DENND1A: variants seen among roughly 807,000 people sequenced by gnomAD.
The protein encoded by DENND1A is DENN domain containing 1A.
In DENND1A, 51 loss-of-function variants were observed where a neutral mutation model predicts 113.7. The ratio of observed to expected loss-of-function variants is 0.45; its 90% CI spans 0.36 to 0.57. The LOEUF is 0.57. Ranked by LOEUF, DENND1A falls within the 20% of genes least tolerant of loss-of-function variation. DENND1A has a pLI of 0.00. For synonymous variants in DENND1A, 565 were observed against 570.8 expected, an observed-to-expected ratio of 0.99 and a Z score of 0.14; for missense variants, 1,258 against 1,395.9, an observed-to-expected ratio of 0.90 and a Z score of 1.57.
chr9:123,709,118 T>C (rs1232711254), intron 5 of DENND1A, among the ~76,000 whole-genome samples: 4 of 152,200 alleles, frequency 2.6e-5, no homozygotes, highest in Non-Finnish European at 5.9e-5. Context: ...GTCTGTTCTA[T>C]GTCTAAAAAG....
At chr9:123,622,365 A>G (rs2061004662) in intron 10 of DENND1A, among the ~76,000 whole-genome samples, 1 of 152,248 alleles carries the variant, frequency 6.6e-6, no homozygotes, top group Non-Finnish European at 1.5e-5. Flanking sequence ...GGAAGGGGGA[A>G]AAAGAAATTT....
intron 6 of DENND1A, among the ~76,000 whole-genome samples, chr9:123,676,453 C>T (rs982176864): frequency 6.6e-6 from 1 of 151,898 alleles, no homozygotes; most frequent in African/African-American, 2.4e-5. Context: ...ACTCTGTGAA[C>T]GTTAAGGGTC....
intron 10 of DENND1A, among the ~76,000 whole-genome samples, chr9:123,626,224 T>A (rs1018336121): frequency 6.6e-6 from 1 of 151,944 alleles, no homozygotes; most frequent in African/African-American, 2.4e-5. Context: ...ACATCTGGCG[T>A]GTGGTGTGTA....
At chr9:123,806,171 C>T (rs917131396) in intron 2 of DENND1A, among the ~76,000 whole-genome samples, 1 of 152,096 alleles carries the variant, frequency 6.6e-6, no homozygotes, top group African/African-American at 2.4e-5. Flanking sequence ...GCAGGCTGGT[C>T]TTGAACTCCT....
chr9:123,552,023 G>GAGAGAGAGACAGAGAC (rs2057096824), intron 13 of DENND1A, among the ~76,000 whole-genome samples: 5 of 141,092 alleles, frequency 3.5e-5, no homozygotes, highest in Non-Finnish European at 7.7e-5. Flanking sequence ...GAGAGCGAGA[G>GAGAGAGAGACAGAGAC]AGAGAGAGAG....
chr9:123,827,953 C>A (rs571233517), intron 2 of DENND1A, among the ~76,000 whole-genome samples: 1 of 152,084 alleles, frequency 6.6e-6, no homozygotes. Flanking sequence ...TTAAAATATA[C>A]CTGGTTTTGA....
intron 22 of DENND1A, among the ~76,000 whole-genome samples, chr9:123,384,471 A>G (rs2042454570): frequency 6.6e-6 from 1 of 152,316 alleles, no homozygotes; most frequent in Non-Finnish European, 1.5e-5. Context: ...GACCTTTGGC[A>G]GGTCACTTAA....
intron 10 of DENND1A, among the ~76,000 whole-genome samples, chr9:123,610,688 C>G (rs925159712): frequency 1.8e-4 from 28 of 152,166 alleles, no homozygotes; most frequent in Admixed American, 1.0e-3. Flanking sequence ...CTGACTCAGA[C>G]TGGGGTGAAC....
At chr9:123,863,263 A>ACTC (rs986891329) in intron 2 of DENND1A, among the ~76,000 whole-genome samples, 1 of 152,164 alleles carries the variant, frequency 6.6e-6, no homozygotes, top group Admixed American at 6.5e-5. Context: ...AAGTACTTAA[A>ACTC]CTCCTCACCA....
At chr9:123,776,707 A>AT (rs1316517890) in intron 3 of DENND1A, among the ~76,000 whole-genome samples, 2 of 152,080 alleles carry the variant, frequency 1.3e-5, no homozygotes, top group Non-Finnish European at 2.9e-5. Flanking sequence ...CCTTAAAAAA[A>AT]TTTTTTTTCA....
chr9:123,778,476 T>C (rs1270840516), intron 3 of DENND1A, among the ~76,000 whole-genome samples: 1 of 152,248 alleles, frequency 6.6e-6, no homozygotes, highest in East Asian at 1.9e-4. Context: ...TGTTAAGACA[T>C]TCTGGAATTG....
intron 11 of DENND1A, among the ~76,000 whole-genome samples, chr9:123,585,080 CA>C (rs66625965): frequency 0.42 from 64,166 of 151,658 alleles, 14,145 homozygotes; most frequent in African/African-American, 0.56. Context: ...TCACAAGCCT[CA>C]CTAGGATTGA....
rs1276919429 is a variant in DENND1A at position 123,764,211 on chromosome 9, T to A, written c.182+5303A>T. Among the ~76,000 whole-genome samples, 1 of 152,194 alleles carries A rather than the reference T, an allele frequency of 6.6e-6. No homozygotes were observed. Among genetic ancestry groups the A allele is most frequent in the Non-Finnish European group, 1.5e-5 (1 of 68,032 alleles). On this transcript the variant is annotated intron_variant, in intron 4 of 23. Transcript: ENST00000394215. The surrounding 1 kb of genome is among the most constrained non-coding windows in gnomAD (Gnocchi z 4.1). The stretch of plus-strand genomic sequence containing the variant: ...CAGATTAGAGATAATGTATACAAGA[T>A]AACTAGCATATAGTAGGTACCTGAC...
intron 13 of DENND1A, among the ~76,000 whole-genome samples, chr9:123,489,962 GT>G (rs1652890089): frequency 6.6e-6 from 1 of 152,154 alleles, no homozygotes; most frequent in Non-Finnish European, 1.5e-5. Context: ...GATAAAATCT[GT>G]AAAGAAGCTG....
intron 20 of DENND1A, among the ~76,000 whole-genome samples, chr9:123,408,529 T>C (rs1010734275): frequency 1.3e-5 from 2 of 152,184 alleles, no homozygotes; most frequent in African/African-American, 2.4e-5. Flanking sequence ...GTGAGGATCC[T>C]GCCTAAGGTC....
chr9:123,787,233 C>T (rs1265840324), intron 3 of DENND1A, among the ~76,000 whole-genome samples: 1 of 151,950 alleles, frequency 6.6e-6, no homozygotes, highest in African/African-American at 2.4e-5. Context: ...TTGTGTCATA[C>T]AATGTTGGTA....
At chr9:123,543,687 C>T (rs2056450540) in intron 13 of DENND1A, among the ~76,000 whole-genome samples, 1 of 152,338 alleles carries the variant, frequency 6.6e-6, no homozygotes, top group African/African-American at 2.4e-5. Flanking sequence ...CCCCCTGCTC[C>T]TGGGGAGCTC....
chr9:123,407,019 C>G (rs1038638062), intron 20 of DENND1A, among the ~76,000 whole-genome samples: 1 of 152,136 alleles, frequency 6.6e-6, no homozygotes, highest in Non-Finnish European at 1.5e-5. Context: ...AAAAGAACAA[C>G]AGAGCTAATT....
At chr9:123,623,957 C>T (rs2061078204) in intron 10 of DENND1A, among the ~76,000 whole-genome samples, 2 of 152,182 alleles carry the variant, frequency 1.3e-5, no homozygotes, top group South Asian at 4.1e-4. Context: ...ACACTGTTGT[C>T]CTGAAAACTC....
Sources: allele counts gnomAD v4.1 joint callset (sites outside exome capture counted in the v4.1 genomes callset), GRCh38; gene constraint gnomAD v4.1.1; non-coding constraint Gnocchi (gnomAD v3.1); transcripts MANE v1.5; gene names NCBI Gene and HGNC (gene_info 2026-07-23, HGNC 2026-07-21).